IGSF10: variants seen among roughly 807,000 people sequenced by gnomAD.
IGSF10 encodes the protein calvaria mechanical force protein 608.
In IGSF10, 126 loss-of-function variants were observed where a neutral mutation model predicts 128.2. The ratio of observed to expected loss-of-function variants is 0.98; its 90% CI spans 0.85 to 1.14. The LOEUF (loss-of-function observed/expected upper bound fraction) is 1.14, where lower values mean the gene tolerates loss of function less well. IGSF10 is among the 50% of genes most tolerant of loss of function. IGSF10 has a pLI of 0.00. For missense variants in IGSF10, 3,295 were observed against 3,149.8 expected, an observed-to-expected ratio of 1.05 and a Z score of -1.10; for synonymous variants, 1,185 against 1,146.2, an observed-to-expected ratio of 1.03 and a Z score of -0.68.
the IGSF10 span, among the ~76,000 whole-genome samples, chr3:151,572,964 T>C: frequency 2.6e-5 from 4 of 152,238 alleles, no homozygotes; most frequent in Non-Finnish European, 5.9e-5. Context: ...CATCTTTTTT[T>C]CTGTCTTCAT....
the IGSF10 span, among the ~76,000 whole-genome samples, chr3:151,495,807 G>A: frequency 2.6e-5 from 4 of 152,176 alleles, no homozygotes; most frequent in South Asian, 4.2e-4. Flanking sequence ...CCTGAAACTG[G>A]TGAACTATTT....
chr3:151,593,224 C>T, the IGSF10 span, among the ~76,000 whole-genome samples: 2 of 152,086 alleles, frequency 1.3e-5, no homozygotes, highest in Non-Finnish European at 2.9e-5. Flanking sequence ...TTGATTCTCC[C>T]ACCTCAGCCT....
the IGSF10 span, among the ~76,000 whole-genome samples, chr3:151,469,453 G>A: frequency 1.3e-5 from 2 of 151,798 alleles, no homozygotes; most frequent in Admixed American, 1.3e-4. Context: ...ATGTGATGCT[G>A]CTCCAGTAAA....
At chr3:151,523,528 T>A in the IGSF10 span, among the ~76,000 whole-genome samples, 1 of 152,118 alleles carries the variant, frequency 6.6e-6, no homozygotes, top group Non-Finnish European at 1.5e-5. Flanking sequence ...TCTATGACCA[T>A]TTGATCTTCG....
the IGSF10 span, among the ~76,000 whole-genome samples, chr3:151,582,726 A>G: frequency 6.6e-6 from 1 of 152,164 alleles, no homozygotes; most frequent in African/African-American, 2.4e-5. Flanking sequence ...ATCAAACTGC[A>G]TCTATTGTCA....
At chr3:151,575,544 T>C in the IGSF10 span, among the ~76,000 whole-genome samples, 15 of 152,218 alleles carry the variant, frequency 9.9e-5, no homozygotes, top group Non-Finnish European at 1.9e-4. Context: ...GTGCAGGATA[T>C]AATCTCCTGG....
At chr3:151,490,229 C>T in the IGSF10 span, among the ~76,000 whole-genome samples, 6 of 152,222 alleles carry the variant, frequency 3.9e-5, no homozygotes, top group South Asian at 2.1e-4. Context: ...CAAAAGATAT[C>T]GGGGTGGCTA....
rs961548021 is a variant in IGSF10, at chr3:151,458,405, A to G, written c.194+111T>C. The G allele has an allele frequency of 4.6e-5, 37 of 799,070 alleles. No individual in the cohort carries two copies. The African/African-American group carries it at 5.5e-4, about 12-fold the overall frequency. The allele number at this position is 799,070 out of a possible 1,614,324, so 49.5% of individuals were successfully genotyped here. A position where few individuals can be genotyped will look rare whatever the true frequency, so the allele number is the denominator to read the frequency against. On this transcript the variant is annotated intron_variant, in intron 3 of 7. Coordinates refer to ENST00000282466, the MANE Select transcript of IGSF10 (RefSeq NM_178822.5). ...CTCATGAGCTCATTTCAGAAAAGAAATATTGTTAAAACAATTGAGATTCAT... is the reference window on the plus strand; with the variant it reads ...CTCATGAGCTCATTTCAGAAAAGAAGTATTGTTAAAACAATTGAGATTCAT...
Position 151,447,503 on chromosome 3 carries a change from T to G in IGSF10, c.2478A>C (p.Arg826Ser), listed in dbSNP as rs151218005. The part of the protein sequence containing the change: ...LPARTVTADS[R>S]TISDSPMTNI... ...TTGTCATAGGACTATCAGATATTGT[T>G]CTGGAGTCAGCAGTCACTGTCCTTG... Residue 826 changes from arginine (R) to serine (S), a missense_variant, in exon 6 of 8, where the codon AGA (arginine) becomes AGC (serine). By Grantham distance (110) the Arg-to-Ser change is moderately radical (BLOSUM62 -1). Coordinates refer to ENST00000282466, the MANE Select transcript of IGSF10 (RefSeq NM_178822.5). The G allele has an allele frequency of 4.9e-5, 79 of 1,614,160 alleles. No individual in the cohort carries two copies. In the African/African-American group the frequency reaches 9.7e-4, roughly 20 times the overall value.
At chr3:151,457,610 A>T (rs58354412) in intron 3 of IGSF10, among the ~76,000 whole-genome samples, 1 of 152,160 alleles carries the variant, frequency 6.6e-6, no homozygotes, top group African/African-American at 2.4e-5. Context: ...TTACGAGCTC[A>T]GGCTCAACAG....
At chr3:151,539,084 G>A in the IGSF10 span, among the ~76,000 whole-genome samples, 1 of 152,168 alleles carries the variant, frequency 6.6e-6, no homozygotes, top group Admixed American at 6.6e-5. Context: ...CTTCATTGCT[G>A]TTGGAAAGGG....
chr3:151,448,559 C>G lies in IGSF10; in HGVS notation c.1422G>C (p.Met474Ile). 6.2e-7 allele frequency: 1 copy of G among 1,614,230 alleles called. No homozygotes were observed. The highest frequency in any genetic ancestry group is 8.5e-7 in the Non-Finnish European group (1 of 1,180,050). Residue 474 changes from methionine (M) to isoleucine (I), a missense_variant, in exon 6 of 8, where the codon ATG becomes ATC. By Grantham distance (10) the Met-to-Ile change is conservative. Coordinates refer to ENST00000282466, the MANE Select transcript of IGSF10 (RefSeq NM_178822.5). ...GCTTAGTATTGTTATCCCTTGAAAT[C>G]ATAGTCCATTTGTGTTTCACTGGCC... ...EMRPVKHKWT[M>I]ISRDNNTKLE...
At chr3:151,509,977 G>A in the IGSF10 span, among the ~76,000 whole-genome samples, 3 of 152,214 alleles carry the variant, frequency 2.0e-5, 1 homozygote, top group South Asian at 6.2e-4. Context: ...AAGTGGCCAG[G>A]AAGCTGGAAC....
At chr3:151,477,465 T>C in the IGSF10 span, among the ~76,000 whole-genome samples, 1 of 152,226 alleles carries the variant, frequency 6.6e-6, no homozygotes, top group Non-Finnish European at 1.5e-5. Context: ...TATCTTCATA[T>C]ACATAATTCA....
At chr3:151,519,709 A>C in the IGSF10 span, among the ~76,000 whole-genome samples, 3 of 151,796 alleles carry the variant, frequency 2.0e-5, no homozygotes, top group Non-Finnish European at 3.0e-5. Context: ...AAAGCAATGA[A>C]TTCTTACTTC....
the IGSF10 span, among the ~76,000 whole-genome samples, chr3:151,523,573 G>A: frequency 6.6e-6 from 1 of 152,042 alleles, no homozygotes; most frequent in Non-Finnish European, 1.5e-5. Context: ...GGGGAAAAGA[G>A]TCCTATTCAA....
chr3:151,449,172 G>A lies in IGSF10; in HGVS notation c.809C>T (p.Ala270Val). Residue 270 changes from alanine to valine, a missense_variant, in exon 6 of 8, where the codon GCT becomes GTT. Transcript: ENST00000282466. ...CTGGAAAGCTGCAGCTGAGACCATA[G>A]CTAACGGCTTGCCTTTAGAAGTCCT... Reference protein sequence around the residue: ...NPRTSKGKPLAMVSAAAFQCA... With the variant: ...NPRTSKGKPLVMVSAAAFQCA... 1 of 1,614,194 alleles carries A rather than the reference G, an allele frequency of 6.2e-7. No homozygotes were observed. The highest frequency in any genetic ancestry group is 8.5e-7 in the Non-Finnish European group (1 of 1,180,038).
chr3:151,520,042 T>C, the IGSF10 span, among the ~76,000 whole-genome samples: 6 of 151,866 alleles, frequency 4.0e-5, no homozygotes, highest in Admixed American at 2.0e-4. Context: ...GTTCACCAGA[T>C]TCCCTTTCTA....
the IGSF10 span, among the ~76,000 whole-genome samples, chr3:151,506,920 T>C: frequency 5.3e-5 from 8 of 152,374 alleles, no homozygotes; most frequent in East Asian, 7.7e-4. Flanking sequence ...GCATATGTGA[T>C]ATTTGGTAAA....
Sources: gnomAD v4.1 joint callset for allele counts (sites outside exome capture counted in the v4.1 genomes callset) on GRCh38, gnomAD v4.1.1 for gene constraint, MANE v1.5 for transcripts, NCBI Gene and HGNC (gene_info 2026-07-23, HGNC 2026-07-21) for gene names.